The following FAXC variants were observed in gnomAD, a reference collection of about 807,000 sequenced individuals.
The protein encoded by FAXC is failed axon connections homolog, metaxin like GST domain containing.
Under a neutral mutation model 41.9 loss-of-function variants are expected in FAXC, and 10 were observed. The observed-to-expected ratio is 0.24, with a 90% CI of 0.15 to 0.41. The LOEUF is 0.41. Ranked by LOEUF, FAXC falls within the 10% of genes least tolerant of loss-of-function variation. The pLI is 1.00. For synonymous variants in FAXC, 183 were observed against 183.8 expected (o/e 1.00, Z 0.03); for missense variants, 399 against 510.9 (o/e 0.78, Z 2.11).
chr6:99,273,175 T>C lies in FAXC; in HGVS notation c.*7989A>G, dbSNP rs1442684624. On this transcript the variant is annotated 3_prime_UTR_variant, in exon 6 of 6. Coordinates refer to ENST00000389677, the MANE Select transcript of FAXC (RefSeq NM_032511.4). ...TTCAGCAAGATGCTAATCATTGTGA[T>C]TGCAAAACAGAGGGTGCAGGTAAGT... is the stretch of plus-strand genomic sequence containing the variant. 2.0e-5 allele frequency: 3 copies of C among 152,140 alleles called. No individual in the cohort carries two copies. Among genetic ancestry groups the C allele is most frequent in the Non-Finnish European group, 2.9e-5 (2 of 68,032 alleles). 9.4% of individuals were successfully genotyped at this position (152,140 alleles called of 1,614,324 possible).
intron 4 of FAXC, among the ~76,000 whole-genome samples, chr6:99,307,016 G>A (rs536298521): frequency 6.6e-6 from 1 of 152,292 alleles, no homozygotes; most frequent in South Asian, 2.1e-4. Flanking sequence ...GTCCTTTGTA[G>A]TTTAATACAC....
At chr6:99,287,740 C>G (rs1405635431) in intron 5 of FAXC, among the ~76,000 whole-genome samples, 2 of 152,172 alleles carry the variant, frequency 1.3e-5, no homozygotes, top group Admixed American at 1.3e-4. Context: ...CTACTTAACC[C>G]TTCTCATGTT....
chr6:99,311,785 T>C (rs954986174), intron 4 of FAXC, among the ~76,000 whole-genome samples: 2 of 152,190 alleles, frequency 1.3e-5, no homozygotes, highest in Admixed American at 1.3e-4. Flanking sequence ...TGTCTTAAAA[T>C]TCTGCCTTAC....
chr6:99,320,288 GATAA>G (rs1772541416), intron 4 of FAXC, among the ~76,000 whole-genome samples: 1 of 152,070 alleles, frequency 6.6e-6, no homozygotes, highest in Non-Finnish European at 1.5e-5. Flanking sequence ...AGCAATTCAT[GATAA>G]ATATTATTAA....
intron 3 of FAXC, among the ~76,000 whole-genome samples, chr6:99,328,635 C>T (rs573436422): frequency 7.2e-5 from 11 of 152,310 alleles, no homozygotes; most frequent in South Asian, 2.1e-4. Flanking sequence ...CCTAACCTTT[C>T]CCGACCACCA....
At chr6:99,286,291 T>G (rs1771027829) in intron 5 of FAXC, among the ~76,000 whole-genome samples, 1 of 152,168 alleles carries the variant, frequency 6.6e-6, no homozygotes, top group Non-Finnish European at 1.5e-5. Flanking sequence ...TAAAAAATAT[T>G]AATTCACAGA....
chr6:99,324,097 T>C (rs1207466260), intron 3 of FAXC, among the ~76,000 whole-genome samples: 1 of 152,022 alleles, frequency 6.6e-6, no homozygotes, highest in Non-Finnish European at 1.5e-5. Context: ...CTGAGCAAAA[T>C]GATGGTTCCA....
intron 5 of FAXC, 52 bp downstream of exon 5, chr6:99,291,652 G>T: frequency 3.1e-6 from 4 of 1,290,908 alleles, no homozygotes; most frequent in Non-Finnish European, 4.5e-6. Context: ...CTACCCCACT[G>T]CCCACCCAGC....
At chr6:99,309,850 A>G (rs1772089859) in intron 4 of FAXC, 1 of 952,952 alleles carries the variant, frequency 1.0e-6, no homozygotes, top group Non-Finnish European at 1.2e-6. Flanking sequence ...AATGCAATCA[A>G]TACAGGTAAA....
chr6:99,283,563 T>C (rs1177012206), intron 5 of FAXC, among the ~76,000 whole-genome samples: 1 of 152,194 alleles, frequency 6.6e-6, no homozygotes, highest in Non-Finnish European at 1.5e-5. Flanking sequence ...TTCTAGAAGA[T>C]ATCTGTGCAC....
intron 4 of FAXC, among the ~76,000 whole-genome samples, chr6:99,293,449 C>A (rs1398845713): frequency 1.3e-5 from 2 of 152,212 alleles, no homozygotes; most frequent in African/African-American, 4.8e-5. Context: ...TTTCTGGTGG[C>A]AACAGGAGCT....
chr6:99,335,585 A>G (rs938794109), intron 2 of FAXC, among the ~76,000 whole-genome samples: 4 of 152,250 alleles, frequency 2.6e-5, no homozygotes, highest in Non-Finnish European at 4.4e-5. Context: ...GCCCTGCTCC[A>G]GCCAATGGAT....
At chr6:99,326,752 T>C (rs922048188) in intron 3 of FAXC, among the ~76,000 whole-genome samples, 1 of 152,176 alleles carries the variant, frequency 6.6e-6, no homozygotes, top group Non-Finnish European at 1.5e-5. Flanking sequence ...AGGGGCATCT[T>C]TCTCTGCGCT....
At chr6:99,283,835 T>C (rs1172072774) in intron 5 of FAXC, among the ~76,000 whole-genome samples, 1 of 152,186 alleles carries the variant, frequency 6.6e-6, no homozygotes, top group East Asian at 1.9e-4. Flanking sequence ...GGGACAGCCC[T>C]GTTTGACTCA....
At chr6:99,338,575 C>T (rs1773304078) in intron 2 of FAXC, among the ~76,000 whole-genome samples, 1 of 152,176 alleles carries the variant, frequency 6.6e-6, no homozygotes, top group Non-Finnish European at 1.5e-5. Context: ...GCACAAAATT[C>T]AGGTTTTGGG....
In FAXC at chr6:99,333,297, A is replaced by T. The variant is rs747674641; in HGVS notation, c.599+54T>A. ...GGTGGAAAGAGGATCTGAAAAGTGA[A>T]ACAGAACCTGGGGCTTACTTCGAAA... On this transcript the variant is annotated intron_variant, in intron 3 of 5. Coordinates refer to ENST00000389677, the MANE Select transcript of FAXC (RefSeq NM_032511.4). The T allele has an allele frequency of 4.5e-5, 65 of 1,449,962 alleles. 1 individual carries two copies. Among genetic ancestry groups the T allele is most frequent in the Non-Finnish European group, 5.8e-5 (62 of 1,071,088 alleles). 89.8% of individuals were successfully genotyped at this position (1,449,962 alleles called of 1,614,324 possible).
At chr6:99,314,757 T>C (rs1322760362) in intron 4 of FAXC, among the ~76,000 whole-genome samples, 2 of 152,180 alleles carry the variant, frequency 1.3e-5, no homozygotes, top group Non-Finnish European at 2.9e-5. Context: ...TCTCACACAA[T>C]TTCCAGACAC....
chr6:99,314,247 A>C (rs1465860239), intron 4 of FAXC, among the ~76,000 whole-genome samples: 1 of 151,456 alleles, frequency 6.6e-6, no homozygotes, highest in African/African-American at 2.4e-5. Flanking sequence ...CCCTCTACAC[A>C]TACACATCAA....
rs1365456250 is a variant in FAXC at position 99,277,863 on chromosome 6, A to T, written c.*3301T>A. On this transcript the variant is annotated 3_prime_UTR_variant, in exon 6 of 6. Coordinates refer to ENST00000389677, the MANE Select transcript of FAXC (RefSeq NM_032511.4). ...GGTCCTGCCCTTCAAATAAGTATGTATGTGACACTGAGCCAATAAGGTGCT... is the reference window on the plus strand; with the variant it reads ...GGTCCTGCCCTTCAAATAAGTATGTTTGTGACACTGAGCCAATAAGGTGCT... 2 of 152,214 alleles carry T rather than the reference A, an allele frequency of 1.3e-5. No homozygotes were observed. Among genetic ancestry groups the T allele is most frequent in the Non-Finnish European group, 2.9e-5 (2 of 68,048 alleles). 9.4% of individuals were successfully genotyped at this position (152,214 alleles called of 1,614,324 possible). A position where few individuals can be genotyped will look rare whatever the true frequency, so the allele number is the denominator to read the frequency against.
Sources: allele counts gnomAD v4.1 joint callset (sites outside exome capture counted in the v4.1 genomes callset), GRCh38; gene constraint gnomAD v4.1.1; transcripts MANE v1.5; gene names NCBI Gene and HGNC (gene_info 2026-07-23, HGNC 2026-07-21).